TMPRSS6: variants seen among roughly 807,000 people sequenced by gnomAD.
TMPRSS6 encodes transmembrane serine protease 6, also known as transmembrane protease serine 6.
In TMPRSS6, 67 loss-of-function variants were observed where a neutral mutation model predicts 101.5. The ratio of observed to expected loss-of-function variants is 0.66; its 90% confidence interval spans 0.54 to 0.81. The LOEUF is 0.81. Ranked by LOEUF, TMPRSS6 falls within the 30% of genes least tolerant of loss-of-function variation. The probability of loss-of-function intolerance (pLI) is 0.00; values close to 1 mark genes in which losing one functional copy is unlikely to be tolerated. For missense variants in TMPRSS6, 1,034 were observed against 1,088.7 expected, an observed-to-expected ratio of 0.95 and a Z score of 0.71; for synonymous variants, 453 against 464.9, an observed-to-expected ratio of 0.97 and a Z score of 0.33.
chr22:37,066,893 T>C lies in TMPRSS6; in HGVS notation c.2183A>G (p.Tyr728Cys), dbSNP rs1242847625. Reference sequence around the variant, plus strand: ...CATGCGTGGCGTCACCTGGTAGCGATAGACCTCGCTGCACAGGTCCTGTGG... The same window carrying C: ...CATGCGTGGCGTCACCTGGTAGCGACAGACCTCGCTGCACAGGTCCTGTGG... The part of the protein sequence containing the change: ...LIPQDLCSEV[Y>C]RYQVTPRMLC... Residue 728 changes from tyrosine to cysteine, a missense_variant, in exon 17 of 18, where the codon TAT becomes TGT. Coordinates refer to ENST00000676104, the MANE Select transcript of TMPRSS6 (RefSeq NM_001374504.1). 1.9e-6 allele frequency: 3 copies of C among 1,614,074 alleles called. No individual in the cohort carries two copies. The highest frequency in any genetic ancestry group is 1.7e-5 in the Admixed American group (1 of 60,000).
chr22:37,096,224 C>T (rs923879441), intron 4 of TMPRSS6, 134 bp from the exon 5 acceptor site: 24 of 1,023,990 alleles, frequency 2.3e-5, no homozygotes, highest in African/African-American at 1.3e-4. Flanking sequence ...AGCCTCCTAG[C>T]GACCTCTGAA....
At chr22:37,070,090 C>T (rs1204424473) in intron 15 of TMPRSS6, among the ~76,000 whole-genome samples, 1 of 152,098 alleles carries the variant, frequency 6.6e-6, no homozygotes, top group African/African-American at 2.4e-5. Flanking sequence ...GCTCCCCAGC[C>T]CCACCTGCTA....
At chr22:37,075,077 G>A in intron 11 of TMPRSS6, 58 bp downstream of exon 11, 1 of 1,613,194 alleles carries the variant, frequency 6.2e-7, no homozygotes, top group Non-Finnish European at 8.5e-7. Context: ...GGTGGTTCCA[G>A]GGATGGCCAA....
chr22:37,090,855 G>C (rs1929198413), intron 6 of TMPRSS6, among the ~76,000 whole-genome samples: 2 of 152,182 alleles, frequency 1.3e-5, no homozygotes, highest in South Asian at 4.1e-4. Flanking sequence ...CCTCAGGTGG[G>C]TGTGAGGGAG....
chr22:37,102,131 G>T (rs746443708), intron 2 of TMPRSS6, among the ~76,000 whole-genome samples: 2 of 152,196 alleles, frequency 1.3e-5, no homozygotes, highest in Non-Finnish European at 2.9e-5. Flanking sequence ...AACAGGCCTG[G>T]AATTCCACCA....
chr22:37,066,776 G>A, intron 17 of TMPRSS6, 50 bp downstream of exon 17: 1 of 1,612,844 alleles, frequency 6.2e-7, no homozygotes, highest in Non-Finnish European at 8.5e-7. Flanking sequence ...TGGTGATGTG[G>A]GCAGCATCCT....
rs1343519210 is a variant in TMPRSS6 at position 37,069,759 on chromosome 22, C to T, written c.1842-415G>A. Among the ~76,000 whole-genome samples the T allele has an allele frequency of 6.6e-6, 1 of 152,186 alleles. No homozygotes were observed. The highest frequency in any genetic ancestry group is 1.5e-5 in the Non-Finnish European group (1 of 68,022). On this transcript the variant is annotated intron_variant, in intron 15 of 17. Transcript: ENST00000676104. The surrounding 1 kb of genome is among the most constrained non-coding windows in gnomAD (Gnocchi z 4.8). ...CCAGGCTGCTCTGAATTCCCTGAGG[C>T]TGGTGGGTCCTAGTGGGGAGCGGGT... is the stretch of plus-strand genomic sequence containing the variant.
chr22:37,082,946 C>G, intron 10 of TMPRSS6: 2 of 468,098 alleles, frequency 4.3e-6, no homozygotes, highest in South Asian at 1.6e-5. Context: ...TCTGGATGAT[C>G]CTTTTGAATA....
chr22:37,095,876 C>G, intron 5 of TMPRSS6, 30 bp downstream of exon 5: 1 of 1,613,406 alleles, frequency 6.2e-7, no homozygotes, highest in Non-Finnish European at 8.5e-7. Context: ...CTCATGAGGC[C>G]AACCCCACGT....
intron 2 of TMPRSS6, among the ~76,000 whole-genome samples, chr22:37,102,791 A>G (rs1003611355): frequency 2.0e-5 from 3 of 152,108 alleles, no homozygotes; most frequent in African/African-American, 7.2e-5. Context: ...CAGAGGCACT[A>G]ATTGGTACCA....
At chr22:37,095,478 CCT>C (rs1929660063) in intron 6 of TMPRSS6, 71 bp downstream of exon 6, 1 of 1,568,334 alleles carries the variant, frequency 6.4e-7, no homozygotes, top group Non-Finnish European at 8.7e-7. Context: ...CATGTGTCCC[CCT>C]GATACACAAC....
chr22:37,097,376 A>G (rs193246621), intron 3 of TMPRSS6, among the ~76,000 whole-genome samples: 14 of 152,352 alleles, frequency 9.2e-5, no homozygotes, highest in Admixed American at 9.1e-4. Context: ...ACACAGGGCC[A>G]TGAATGCGCA....
rs185482276 is a variant in TMPRSS6 at position 37,084,821 on chromosome 22, G to A, written c.992C>T (p.Thr331Met). The A allele has an allele frequency of 2.0e-4, 304 of 1,555,836 alleles. No homozygotes were observed. The East Asian group carries it at 4.6e-3, about 23-fold the overall frequency. The part of the protein sequence containing the change: ...VVFQACEVNL[T>M]LDNRLDSQGV... ...CTGGGAGTCGAGCCTGTTGTCCAGCGTCAGGTTCACTTCACAGGCTGGACC... is the reference window on the plus strand; with the variant it reads ...CTGGGAGTCGAGCCTGTTGTCCAGCATCAGGTTCACTTCACAGGCTGGACC... The change falls in exon 9 of 18, where the codon ACG becomes ATG. Residue 331 changes from threonine to methionine, a missense_variant. Transcript: ENST00000676104.
chr22:37,108,916 A>G (rs1930886108), intron 1 of TMPRSS6, among the ~76,000 whole-genome samples: 2 of 152,220 alleles, frequency 1.3e-5, no homozygotes, highest in Middle Eastern at 6.8e-3. Context: ...ACATATAAAC[A>G]CACTCACAGA....
At chr22:37,086,083 G>A (rs896271447) in intron 8 of TMPRSS6, among the ~76,000 whole-genome samples, 200 bp downstream of exon 8, 2 of 142,800 alleles carry the variant, frequency 1.4e-5, no homozygotes, top group African/African-American at 5.1e-5. Flanking sequence ...CGGTCAAGGG[G>A]AAGAGGGGGG....
At position 37,086,444 on chromosome 22, in the gene TMPRSS6, G is replaced by T. The variant is rs754348223; in HGVS notation, c.837-25C>A. On this transcript the variant is annotated intron_variant, in intron 7 of 17. Coordinates refer to ENST00000676104, the MANE Select transcript of TMPRSS6 (RefSeq NM_001374504.1). ...CCTGGCAGAACAGAAAGGTGGCAAG[G>T]CTGGGCTGGGGTCTGGGAGGGGAGT... 8 of 1,561,546 alleles carry T rather than the reference G, an allele frequency of 5.1e-6. No individual in the cohort carries two copies. In the African/African-American group the frequency reaches 5.4e-5, roughly 11 times the overall value.
chr22:37,075,324 C>T (rs1927539030), intron 10 of TMPRSS6, 44 bp from the exon 11 acceptor site: 4 of 1,610,780 alleles, frequency 2.5e-6, no homozygotes, highest in Middle Eastern at 1.8e-4. Context: ...TGGCTGGTCT[C>T]CTGGGTCCCG....
rs368147579 is a variant in TMPRSS6, at chr22:37,074,637, G to A, written c.1414C>T (p.Pro472Ser). ...CAGTTTCTCTCATCCAGGCCGTTGG[G>A]GCAGTCCTTGACCCCATCACAGGCA... is the stretch of plus-strand genomic sequence containing the variant. ...VPACDGVKDCPNGLDERNCVC... is the reference protein window; with the variant it reads ...VPACDGVKDCSNGLDERNCVC... The change falls in exon 12 of 18, where the codon CCC becomes TCC. Residue 472 changes from proline (P) to serine (S), a missense_variant. Physicochemically the swap from Pro to Ser is moderately conservative, Grantham distance 74. Coordinates refer to ENST00000676104, the MANE Select transcript of TMPRSS6 (RefSeq NM_001374504.1). The A allele has an allele frequency of 6.2e-7, 1 of 1,614,208 alleles. No individual in the cohort carries two copies. Among genetic ancestry groups the A allele is most frequent in the Non-Finnish European group, 8.5e-7 (1 of 1,180,032 alleles).
rs937767763 is a variant in TMPRSS6 at position 37,074,790 on chromosome 22, T to C, written c.1343-82A>G. ...CCGCGAAGGCGCACAAAGACACGCA[T>C]GCACCTGTTCACTCACACGCGCATG... is the stretch of plus-strand genomic sequence containing the variant. On this transcript the variant is annotated intron_variant, in intron 11 of 17. Transcript: ENST00000676104. 4.9e-6 allele frequency: 7 copies of C among 1,430,516 alleles called. No homozygotes were observed. The African/African-American group carries it at 9.9e-5, about 20-fold the overall frequency. The allele number at this position is 1,430,516 out of a possible 1,614,324, so 88.6% of individuals were successfully genotyped here.
Sources: allele counts gnomAD v4.1 joint callset (sites outside exome capture counted in the v4.1 genomes callset), GRCh38; gene constraint gnomAD v4.1.1; non-coding constraint Gnocchi (gnomAD v3.1); transcripts MANE v1.5; gene names NCBI Gene and HGNC (gene_info 2026-07-23, HGNC 2026-07-21).